Variants in RSU1 observed in about 807,000 individuals in gnomAD.
RSU1 encodes rsu-1.
Under a neutral mutation model 31.1 loss-of-function variants are expected in RSU1, and 26 were observed. The ratio of observed to expected loss-of-function variants is 0.84; its 90% CI spans 0.61 to 1.16. The LOEUF (loss-of-function observed/expected upper bound fraction) is 1.16, where lower values mean the gene tolerates loss of function less well. RSU1 is among the 50% of genes most tolerant of loss of function. The pLI is 0.00. For missense variants in RSU1, 320 were observed against 339.1 expected (o/e 0.94, Z 0.44); for synonymous variants, 164 against 136.3 (o/e 1.20, Z -1.41).
At chr10:16,760,439 G>A (rs1453095564) in intron 4 of RSU1, among the ~76,000 whole-genome samples, 4 of 151,474 alleles carry the variant, frequency 2.6e-5, no homozygotes, top group Admixed American at 2.0e-4. Flanking sequence ...AACCCAGGAG[G>A]TGGAGGTTGC....
intron 8 of RSU1, among the ~76,000 whole-genome samples, chr10:16,669,323 TG>T (rs1356912911): frequency 6.6e-6 from 1 of 152,102 alleles, no homozygotes; most frequent in Non-Finnish European, 1.5e-5. Context: ...AAAAGGCCCA[TG>T]TGATTTCTGT....
chr10:16,598,436 G>A (rs1588666749), intron 8 of RSU1, among the ~76,000 whole-genome samples: 1 of 152,076 alleles, frequency 6.6e-6, no homozygotes, highest in East Asian at 1.9e-4. Context: ...TGTAGTCCCA[G>A]CTACTTACTT....
chr10:16,670,777 T>C (rs1835091076), intron 8 of RSU1, among the ~76,000 whole-genome samples: 1 of 152,146 alleles, frequency 6.6e-6, no homozygotes, highest in South Asian at 2.1e-4. Context: ...AGAACCTCTT[T>C]TTTTAAGCCT....
chr10:16,653,441 T>C (rs1392500367), intron 8 of RSU1, among the ~76,000 whole-genome samples: 1 of 152,126 alleles, frequency 6.6e-6, no homozygotes, highest in Admixed American at 6.5e-5. Flanking sequence ...TTTCACATGG[T>C]AGTAACACGG....
At chr10:16,752,889 T>C in intron 6 of RSU1, 29 bp downstream of exon 6, 1 of 1,590,894 alleles carries the variant, frequency 6.3e-7, no homozygotes, top group Non-Finnish European at 8.6e-7. Context: ...AGTGAATTGA[T>C]TTTCTAAGAA....
intron 2 of RSU1, among the ~76,000 whole-genome samples, chr10:16,786,052 G>A (rs541829049): frequency 2.0e-5 from 3 of 152,132 alleles, no homozygotes; most frequent in East Asian, 3.9e-4. Flanking sequence ...CTAAAATTTC[G>A]TTGGTGACTG....
chr10:16,671,994 C>A (rs549141551), intron 8 of RSU1, among the ~76,000 whole-genome samples: 2 of 150,790 alleles, frequency 1.3e-5, no homozygotes, highest in East Asian at 2.0e-4. Flanking sequence ...TACAGTTTTG[C>A]AGTTACTTAA....
At chr10:16,701,338 C>T (rs1273966349) in intron 7 of RSU1, among the ~76,000 whole-genome samples, 1 of 152,130 alleles carries the variant, frequency 6.6e-6, no homozygotes, top group Non-Finnish European at 1.5e-5. Context: ...GGTCTAAAAA[C>T]CTAAGTGGAA....
chr10:16,795,387 A>T (rs892295627), intron 2 of RSU1, among the ~76,000 whole-genome samples: 10 of 151,870 alleles, frequency 6.6e-5, no homozygotes, highest in African/African-American at 2.4e-4. Context: ...AAAAAAAAAT[A>T]AGGTAATAAC....
chr10:16,808,742 C>T (rs1376719056), intron 2 of RSU1, among the ~76,000 whole-genome samples: 1 of 152,146 alleles, frequency 6.6e-6, no homozygotes, highest in Non-Finnish European at 1.5e-5. Context: ...TGCTGAAGCC[C>T]CAATCCCAAA....
At chr10:16,770,957 TAA>T (rs10547207) in intron 3 of RSU1, among the ~76,000 whole-genome samples, 39,936 of 119,430 alleles carry the variant, frequency 0.33, 7,655 homozygotes, top group African/African-American at 0.59. Context: ...TATTGCTATT[TAA>T]AAAAAAAAAA....
chr10:16,604,260 C>G (rs747921462), intron 8 of RSU1, among the ~76,000 whole-genome samples: 4 of 152,138 alleles, frequency 2.6e-5, no homozygotes, highest in Non-Finnish European at 4.4e-5. Context: ...AAAAGTCACC[C>G]AAAATAACAC....
chr10:16,736,105 A>G (rs1836620036), intron 7 of RSU1, among the ~76,000 whole-genome samples: 7 of 152,194 alleles, frequency 4.6e-5, no homozygotes, highest in Admixed American at 3.9e-4. Context: ...TTGTGGGGCA[A>G]GGAGGGCATA....
intron 7 of RSU1, among the ~76,000 whole-genome samples, chr10:16,723,568 C>T (rs938943096): frequency 2.0e-5 from 3 of 152,128 alleles, no homozygotes; most frequent in African/African-American, 4.8e-5. Flanking sequence ...ATTCTCCATT[C>T]GCTGATATTA....
chr10:16,651,910 T>C (rs1484740546), intron 8 of RSU1, among the ~76,000 whole-genome samples: 1 of 152,220 alleles, frequency 6.6e-6, no homozygotes, highest in African/African-American at 2.4e-5. Context: ...GTAAATGAAA[T>C]ATTTATTTCT....
intron 8 of RSU1, among the ~76,000 whole-genome samples, chr10:16,692,353 TC>T (rs1243274549): frequency 1.3e-5 from 2 of 152,224 alleles, no homozygotes; most frequent in Non-Finnish European, 2.9e-5. Flanking sequence ...CACAATTTAA[TC>T]TTTTAAAATT....
chr10:16,792,088 T>C (rs962358774), intron 2 of RSU1, among the ~76,000 whole-genome samples: 7 of 152,194 alleles, frequency 4.6e-5, no homozygotes, highest in Non-Finnish European at 2.9e-5. Context: ...GATCTTCTCA[T>C]GGGTGAGCAT....
chr10:16,629,352 C>T lies in RSU1; in HGVS notation c.732-35856G>A, dbSNP rs572124715. Among the ~76,000 whole-genome samples the T allele has an allele frequency of 2.2e-4, 33 of 152,230 alleles. 1 individual carries two copies. In the South Asian group the frequency reaches 6.6e-3, roughly 31 times the overall value. On this transcript the variant is annotated intron_variant, in intron 8 of 8. Coordinates refer to ENST00000345264, the MANE Select transcript of RSU1 (RefSeq NM_012425.4). ...TTGAACAGGACCGAACTGCCAATCT[C>T]TACCTGTGCCAAGAGGGGCTCTGTA...
rs1564298636 is a variant in RSU1, at chr10:16,646,039, TACATATATGTGTATATATATATACAC to T, written c.731+48958_731+48983del. On this transcript the variant is annotated intron_variant, in intron 8 of 8. Transcript: ENST00000345264. Reference sequence around the variant, plus strand: ...ATATATGTGTATATATATGTGTATATACATATATGTGTATATATATATACACACACACACACACACACACACACACA... The same window carrying T: ...ATATATGTGTATATATATGTGTATATACACACACACACACACACACACACA... Among the ~76,000 whole-genome samples the T allele has an allele frequency of 2.0e-3, 125 of 62,668 alleles. 19 individuals are homozygous for T. The highest frequency in any genetic ancestry group is 4.2e-3 in the Admixed American group (17 of 4,002). 41.1% of individuals were successfully genotyped at this position (62,668 alleles called of 152,430 possible). A position where few individuals can be genotyped will look rare whatever the true frequency, so the allele number is the denominator to read the frequency against.
Sources: allele counts gnomAD v4.1 joint callset (sites outside exome capture counted in the v4.1 genomes callset), GRCh38; gene constraint gnomAD v4.1.1; transcripts MANE v1.5; gene names NCBI Gene and HGNC (gene_info 2026-07-23, HGNC 2026-07-21).